NUFIP2: variants seen among roughly 807,000 people sequenced by gnomAD.
NUFIP2 encodes nuclear FMR1 interacting protein 2.
NUFIP2 carries 6 observed loss-of-function variants against 56.9 expected under a neutral mutation model. That is an observed-to-expected ratio of 0.11 (90% CI 0.06 to 0.21). The LOEUF is 0.21. Ranked by LOEUF, NUFIP2 falls within the 10% of genes least tolerant of loss-of-function variation. The pLI, the probability that NUFIP2 is intolerant of heterozygous loss-of-function variation, is 1.00. For missense variants in NUFIP2, 828 were observed against 826.8 expected (o/e 1.00, Z -0.02); for synonymous variants, 321 against 298.2 (o/e 1.08, Z -0.79).
At chr17:29,267,208 ATTTT>A (rs71359290) in intron 3 of NUFIP2, among the ~76,000 whole-genome samples, 4 of 136,296 alleles carry the variant, frequency 2.9e-5, no homozygotes, top group Non-Finnish European at 4.8e-5. Context: ...CCGGCCCTAC[ATTTT>A]TTTTTTTTTT....
At chr17:29,265,867 C>T (rs900644958) in intron 3 of NUFIP2, among the ~76,000 whole-genome samples, 1 of 152,026 alleles carries the variant, frequency 6.6e-6, no homozygotes, top group Non-Finnish European at 1.5e-5. Flanking sequence ...TTCTGGGACT[C>T]CTAGGGCCAC....
intron 3 of NUFIP2, among the ~76,000 whole-genome samples, chr17:29,266,392 A>G (rs1301041530): frequency 6.6e-6 from 1 of 152,030 alleles, no homozygotes; most frequent in African/African-American, 2.4e-5. Flanking sequence ...GCCACTTTCT[A>G]GTTTACAGGA....
intron 2 of NUFIP2, among the ~76,000 whole-genome samples, chr17:29,281,589 G>T (rs762627414): frequency 4.0e-5 from 6 of 151,668 alleles, no homozygotes; most frequent in Non-Finnish European, 5.9e-5. Context: ...CTACTCAGGA[G>T]GCTGAGGAAG....
intron 2 of NUFIP2, among the ~76,000 whole-genome samples, chr17:29,278,686 G>A (rs1032027893): frequency 6.6e-6 from 1 of 152,140 alleles, no homozygotes; most frequent in African/African-American, 2.4e-5. Flanking sequence ...TAGTAACAGT[G>A]TCTGCTCTTC....
At chr17:29,278,514 G>A (rs2069121782) in intron 2 of NUFIP2, among the ~76,000 whole-genome samples, 1 of 151,998 alleles carries the variant, frequency 6.6e-6, no homozygotes, top group Admixed American at 6.6e-5. Context: ...CCAAAGTGCT[G>A]GGATTACAGG....
chr17:29,292,028 G>A (rs527780481), intron 1 of NUFIP2, among the ~76,000 whole-genome samples: 4 of 152,006 alleles, frequency 2.6e-5, no homozygotes, highest in African/African-American at 9.7e-5. Context: ...ATTTCTCTTC[G>A]ATTTATAAAG....
At chr17:29,275,927 C>A (rs1156862355) in intron 2 of NUFIP2, among the ~76,000 whole-genome samples, 2 of 151,774 alleles carry the variant, frequency 1.3e-5, no homozygotes, top group African/African-American at 2.4e-5. Context: ...ACTCAGGAGG[C>A]TGAGGCAGGA....
Position 29,259,763 on chromosome 17 carries a change from T to C in NUFIP2, c.*4776A>G, listed in dbSNP as rs1167550723. On this transcript the variant is annotated 3_prime_UTR_variant, in exon 4 of 4. Coordinates refer to ENST00000225388, the MANE Select transcript of NUFIP2 (RefSeq NM_020772.3). ...CATTCCCAATAATGCAAGAGCAACA[T>C]ACCAATCATGCTGCAATGGGTGTTT... The C allele has an allele frequency of 2.0e-5, 3 of 152,222 alleles. No homozygotes were observed. Among genetic ancestry groups the C allele is most frequent in the South Asian group, 2.1e-4 (1 of 4,836 alleles). 9.4% of individuals were successfully genotyped at this position (152,222 alleles called of 1,614,324 possible).
intron 2 of NUFIP2, among the ~76,000 whole-genome samples, chr17:29,279,306 CTG>C (rs2069126365): frequency 6.6e-6 from 1 of 152,188 alleles, no homozygotes; most frequent in Non-Finnish European, 1.5e-5. Flanking sequence ...GTAATCTTAT[CTG>C]TTCCCTTATG....
Position 29,281,517 on chromosome 17 carries a change from A to C in NUFIP2, c.2002+4475T>G, listed in dbSNP as rs149927412. Among the ~76,000 whole-genome samples the C allele has an allele frequency of 6.6e-5, 10 of 150,982 alleles. No individual in the cohort carries two copies. In the East Asian group the frequency reaches 2.0e-3, roughly 30 times the overall value. On this transcript the variant is annotated intron_variant, in intron 2 of 3. Coordinates refer to ENST00000225388, the MANE Select transcript of NUFIP2 (RefSeq NM_020772.3). ...AAAAAAAAAGAGAAAAGTTAATGGC[A>C]TAACATATTATATAAAAAGCTAAAA...
At chr17:29,267,267 T>A (rs2069043567) in intron 3 of NUFIP2, among the ~76,000 whole-genome samples, 1 of 151,902 alleles carries the variant, frequency 6.6e-6, no homozygotes. Flanking sequence ...CTGCCCAGGC[T>A]GGTCTTGAAC....
At chr17:29,269,797 T>C (rs1006878202) in intron 2 of NUFIP2, among the ~76,000 whole-genome samples, 1 of 152,076 alleles carries the variant, frequency 6.6e-6, no homozygotes, top group African/African-American at 2.4e-5. Context: ...CTCAGCTCAC[T>C]GCAAGCTCCG....
intron 2 of NUFIP2, among the ~76,000 whole-genome samples, chr17:29,278,973 T>C (rs1265989476): frequency 6.6e-6 from 1 of 152,188 alleles, no homozygotes; most frequent in Non-Finnish European, 1.5e-5. Flanking sequence ...CACATCATTA[T>C]ATCCTCATAA....
At position 29,286,778 on chromosome 17, in the gene NUFIP2, G is replaced by A. The variant is rs570941416; in HGVS notation, c.1216C>T (p.Leu406=). The A allele has an allele frequency of 8.7e-6, 14 of 1,614,142 alleles. No homozygotes were observed. In the African/African-American group the frequency reaches 1.7e-4, roughly 20 times the overall value. The change falls in exon 2 of 4, where the codon CTG becomes TTG. Residue 406 remains leucine, a synonymous_variant. Coordinates refer to ENST00000225388, the MANE Select transcript of NUFIP2 (RefSeq NM_020772.3). The stretch of plus-strand genomic sequence containing the variant: ...AAGTTGGCAGAAGTAACAGATTTCA[G>A]CGCTGACATAGGGACCTGGGATAAG... ...SRLSQVPMSA[L]KSVTSANFSN...
intron 1 of NUFIP2, among the ~76,000 whole-genome samples, chr17:29,290,187 T>C (rs1468864086): frequency 1.3e-5 from 2 of 152,058 alleles, no homozygotes; most frequent in African/African-American, 4.8e-5. Context: ...ACCGGCCTCT[T>C]AGATTTCTTA....
chr17:29,287,631 G>T lies in NUFIP2; in HGVS notation c.363C>A (p.Ser121=), dbSNP rs766432878. The change falls in exon 2 of 4, where the codon TCC becomes TCA. Residue 121 remains serine (S), a synonymous_variant. Transcript: ENST00000225388. The part of the protein sequence containing the change: ...LSSDEATNPI[S]RVLNGNQQVV... ...CTTGCTGGTTGCCATTGAGGACCCT[G>T]GAAATAGGGTTGGTGGCTTCATCAG... The T allele has an allele frequency of 1.9e-6, 3 of 1,613,758 alleles. No homozygotes were observed. The highest frequency in any genetic ancestry group is 2.7e-5 in the African/African-American group (2 of 74,942).
At chr17:29,265,337 C>T (rs1451886461) in intron 3 of NUFIP2, among the ~76,000 whole-genome samples, 33 of 139,890 alleles carry the variant, frequency 2.4e-4, no homozygotes, top group Non-Finnish European at 4.1e-4. Flanking sequence ...GAGTCTCGCT[C>T]TGTCGCCCAG....
At position 29,263,200 on chromosome 17, in the gene NUFIP2, C is replaced by T. The variant is rs1388322425; in HGVS notation, c.*1339G>A. 6.6e-6 allele frequency: 1 copy of T among 152,518 alleles called. No homozygotes were observed. The highest frequency in any genetic ancestry group is 2.4e-5 in the African/African-American group (1 of 41,418). 9.4% of individuals were successfully genotyped at this position (152,518 alleles called of 1,614,324 possible). A position where few individuals can be genotyped will look rare whatever the true frequency, so the allele number is the denominator to read the frequency against. On this transcript the variant is annotated 3_prime_UTR_variant, in exon 4 of 4. Transcript: ENST00000225388. ...CTCAATTGGACCCTTAATTTCTGCA[C>T]ACACACACAAAAATTTATTTTAGCA...
chr17:29,267,314 A>G (rs1452115995), intron 3 of NUFIP2, among the ~76,000 whole-genome samples, 184 bp downstream of exon 3: 1 of 151,872 alleles, frequency 6.6e-6, no homozygotes, highest in Non-Finnish European at 1.5e-5. Flanking sequence ...TTGGCCTCCC[A>G]CAGTGTTGGG....
Sources: allele counts gnomAD v4.1 joint callset (sites outside exome capture counted in the v4.1 genomes callset), GRCh38; gene constraint gnomAD v4.1.1; transcripts MANE v1.5; gene names NCBI Gene and HGNC (gene_info 2026-07-23, HGNC 2026-07-21).